The following ARAP2 variants were observed in gnomAD, a reference collection of about 807,000 sequenced individuals.
ARAP2 encodes the protein arf-GAP with Rho-GAP domain, ANK repeat and PH domain-containing protein 2.
ARAP2 carries 148 observed loss-of-function variants against 194.5 expected under a neutral mutation model. That is an observed-to-expected ratio of 0.76 (90% CI 0.67 to 0.87). The LOEUF (loss-of-function observed/expected upper bound fraction) is 0.87, where lower values mean the gene tolerates loss of function less well. ARAP2 is among the 40% of genes least tolerant of loss of function. ARAP2 has a pLI of 0.00. For synonymous variants in ARAP2, 695 were observed against 683.5 expected (o/e 1.02, Z -0.26); for missense variants, 2,128 against 1,989.7 (o/e 1.07, Z -1.32).
chr4:36,228,726 A>G lies in ARAP2; in HGVS notation c.761T>C (p.Val254Ala). Residue 254 changes from valine (V) to alanine (A), a missense_variant, in exon 2 of 33, where the codon GTA (valine) becomes GCA (alanine). Coordinates refer to ENST00000303965, the MANE Select transcript of ARAP2 (RefSeq NM_015230.4). ...PFFKFQGEMI[V>A]NDLYVPSSPI... ...TGATGATGGAACATACAAGTCATTT[A>G]CAATCATTTCTCCTTGAAACTTAAA... 6.2e-7 allele frequency: 1 copy of G among 1,614,156 alleles called. No homozygotes were observed. The highest frequency in any genetic ancestry group is 8.5e-7 in the Non-Finnish European group (1 of 1,180,008).
At chr4:36,185,680 A>C (rs373723700) in intron 8 of ARAP2, among the ~76,000 whole-genome samples, 11 of 152,066 alleles carry the variant, frequency 7.2e-5, no homozygotes, top group African/African-American at 2.7e-4. Flanking sequence ...TATCTGTAAA[A>C]ATAGGATAAT....
At position 36,147,301 on chromosome 4, in the gene ARAP2, T is replaced by C. The variant is rs1050186610; in HGVS notation, c.3258A>G (p.Lys1086=). The stretch of plus-strand genomic sequence containing the variant: ...AAAAGCAAAAAGGCACTTACCTCCC[T>C]TTTTCTACCAAGAGTAAAACATCCA... The part of the protein sequence containing the change: ...EKLDVLLLVE[K]GRTLYIHGHT... Residue 1086 remains lysine, a synonymous_variant, in exon 19 of 33, where the codon AAA becomes AAG. Coordinates refer to ENST00000303965, the MANE Select transcript of ARAP2 (RefSeq NM_015230.4). 6.2e-7 allele frequency: 1 copy of C among 1,612,354 alleles called. No individual in the cohort carries two copies. Among genetic ancestry groups the C allele is most frequent in the Admixed American group, 1.7e-5 (1 of 59,944 alleles).
intron 27 of ARAP2, among the ~76,000 whole-genome samples, chr4:36,097,865 T>C (rs1030097732): frequency 6.6e-6 from 1 of 152,042 alleles, no homozygotes; most frequent in Non-Finnish European, 1.5e-5. Flanking sequence ...TATTGAAAGG[T>C]CTTTAAAATT....
downstream of ARAP2, chr4:36,065,231 G>T: frequency 5.2e-6 from 2 of 381,682 alleles, no homozygotes; most frequent in South Asian, 4.4e-5. Context: ...CTTGCAGGTG[G>T]AGCGGGAGAA....
At chr4:36,130,610 C>G (rs1049633403) in intron 20 of ARAP2, among the ~76,000 whole-genome samples, 1 of 151,870 alleles carries the variant, frequency 6.6e-6, no homozygotes, top group African/African-American at 2.4e-5. Flanking sequence ...ACCAGTAGCA[C>G]CCCCTGAACC....
chr4:36,101,335 T>A (rs1300997049), intron 27 of ARAP2, among the ~76,000 whole-genome samples: 3 of 151,432 alleles, frequency 2.0e-5, no homozygotes, highest in Admixed American at 6.6e-5. Flanking sequence ...AAATTATTTA[T>A]AAATAGTTAA....
At chr4:36,136,577 A>T (rs1726766861) in intron 19 of ARAP2, among the ~76,000 whole-genome samples, 1 of 151,884 alleles carries the variant, frequency 6.6e-6, no homozygotes, top group Admixed American at 6.6e-5. Flanking sequence ...ATAAAAAATA[A>T]ATATGCTCAT....
At chr4:36,089,997 T>C (rs1713117842) in intron 28 of ARAP2, among the ~76,000 whole-genome samples, 1 of 151,982 alleles carries the variant, frequency 6.6e-6, no homozygotes, top group South Asian at 2.1e-4. Flanking sequence ...AATTTTTACA[T>C]ATATTATTAG....
chr4:36,220,382 C>A (rs145768867), intron 2 of ARAP2, among the ~76,000 whole-genome samples: 1 of 152,098 alleles, frequency 6.6e-6, no homozygotes, highest in East Asian at 1.9e-4. Context: ...CAGTACAACA[C>A]GTTATTCATG....
Position 36,067,487 on chromosome 4 carries a change from A to T in ARAP2, c.*420T>A, listed in dbSNP as rs2109296460. 1 of 153,388 alleles carries T rather than the reference A, an allele frequency of 6.5e-6. No homozygotes were observed. The highest frequency in any genetic ancestry group is 1.5e-5 in the Non-Finnish European group (1 of 68,528). The allele number at this position is 153,388 out of a possible 1,614,324, so 9.5% of individuals were successfully genotyped here. The stretch of plus-strand genomic sequence containing the variant: ...AGAACTTCTGTAAACCTAAAAACAT[A>T]TGGTAATTTAATATACAAGGTTTCT... On this transcript the variant is annotated 3_prime_UTR_variant, in exon 33 of 33. Transcript: ENST00000303965.
intron 19 of ARAP2, among the ~76,000 whole-genome samples, chr4:36,136,783 A>ATGTGTGTGTGTGTG (rs772565955): frequency 6.3e-5 from 9 of 143,802 alleles, no homozygotes; most frequent in South Asian, 4.4e-4. Context: ...AATCAAATAT[A>ATGTGTGTGTGTGTG]TGTGTGTGTG....
intron 8 of ARAP2, among the ~76,000 whole-genome samples, chr4:36,185,926 C>T (rs1399464936): frequency 2.6e-5 from 4 of 151,014 alleles, no homozygotes; most frequent in East Asian, 1.9e-4. Context: ...TGCAGTGAGC[C>T]GAGATTGCGC....
At chr4:36,225,495 G>A (rs1158244840) in intron 2 of ARAP2, among the ~76,000 whole-genome samples, 1 of 152,034 alleles carries the variant, frequency 6.6e-6, no homozygotes. Flanking sequence ...TGATAAGGAA[G>A]GAGCTGGTGC....
At chr4:36,146,841 C>A (rs951687941) in intron 19 of ARAP2, among the ~76,000 whole-genome samples, 3 of 152,000 alleles carry the variant, frequency 2.0e-5, no homozygotes, top group African/African-American at 7.2e-5. Context: ...TCACCAATAC[C>A]TTTAAGAGTC....
chr4:36,166,819 G>C, intron 10 of ARAP2, 113 bp downstream of exon 10: 2 of 476,938 alleles, frequency 4.2e-6, no homozygotes, highest in Non-Finnish European at 7.1e-6. Flanking sequence ...TGGAAAAGTA[G>C]GGAGATAATT....
At chr4:36,201,467 G>T (rs1217883205) in intron 6 of ARAP2, among the ~76,000 whole-genome samples, 1 of 152,136 alleles carries the variant, frequency 6.6e-6, no homozygotes, top group Non-Finnish European at 1.5e-5. Flanking sequence ...ACATTAGCCT[G>T]AGTTTTATCT....
At chr4:36,234,538 A>G (rs1340054662) in intron 1 of ARAP2, among the ~76,000 whole-genome samples, 1 of 152,140 alleles carries the variant, frequency 6.6e-6, no homozygotes, top group Admixed American at 6.5e-5. Flanking sequence ...TGTTCCATAG[A>G]TAGTGTAATA....
chr4:36,009,620 CT>C (rs1239692633), intron 9 of ARAP2, among the ~76,000 whole-genome samples: 1 of 152,038 alleles, frequency 6.6e-6, no homozygotes. Flanking sequence ...TGTATCAGAT[CT>C]GCATATTTAT....
chr4:36,064,187 C>T (rs1370130330), downstream of ARAP2, among the ~76,000 whole-genome samples: 6 of 133,756 alleles, frequency 4.5e-5, no homozygotes, highest in Admixed American at 4.9e-4. Flanking sequence ...GAGTGCTTTG[C>T]TTTTTTGTTT....
Sources: gnomAD v4.1 joint callset for allele counts (sites outside exome capture counted in the v4.1 genomes callset) on GRCh38, gnomAD v4.1.1 for gene constraint, MANE v1.5 for transcripts, NCBI Gene and HGNC (gene_info 2026-07-23, HGNC 2026-07-21) for gene names.